Variants in ZNF841 observed in about 807,000 individuals in gnomAD.
The protein encoded by ZNF841 is zinc finger protein 841.
A neutral mutation model predicts 13.0 loss-of-function variants in ZNF841; 11 were observed. That is an observed-to-expected ratio of 0.85 (90% CI 0.53 to 1.40). ZNF841 has a LOEUF of 1.40. ZNF841 is among the 40% of genes most tolerant of loss of function. The pLI is 0.00. For synonymous variants in ZNF841, 369 were observed against 381.6 expected (o/e 0.97, Z 0.38); for missense variants, 1,068 against 1,139.5 (o/e 0.94, Z 0.90).
chr19:52,083,802 C>T (rs1185582137), intron 4 of ZNF841, among the ~76,000 whole-genome samples: 5 of 147,874 alleles, frequency 3.4e-5, no homozygotes, highest in Non-Finnish European at 5.9e-5. Flanking sequence ...TTAGTATATC[C>T]GTATCTCATA....
intron 6 of ZNF841, 52 bp from the exon 7 acceptor site, chr19:52,067,662 T>G: frequency 7.8e-7 from 1 of 1,283,092 alleles, no homozygotes; most frequent in Non-Finnish European, 1.0e-6. Flanking sequence ...TTGGTAAATA[T>G]TATTTTATAC....
At chr19:52,060,409 C>A (rs971633328), downstream of ZNF841, among the ~76,000 whole-genome samples, 1 of 152,218 alleles carries the variant, frequency 6.6e-6, no homozygotes, top group African/African-American at 2.4e-5. Flanking sequence ...CTGGCCAGGG[C>A]CATTCTCTGG....
chr19:52,084,870 A>G lies in ZNF841; in HGVS notation c.-69T>C. ...TCAGTCAATATAATTAATTCTTTAA[A>G]AGTCAAATCTGAAAGTCAAAAATAT... On this transcript the variant is annotated 5_prime_UTR_variant, in exon 4 of 7. Coordinates refer to ENST00000594440, the MANE Select transcript of ZNF841 (RefSeq NM_001136499.2). The G allele has an allele frequency of 6.6e-7, 1 of 1,523,558 alleles. No individual in the cohort carries two copies. Among genetic ancestry groups the G allele is most frequent in the Non-Finnish European group, 8.9e-7 (1 of 1,126,218 alleles). 94.4% of individuals were successfully genotyped at this position (1,523,558 alleles called of 1,614,324 possible). A position where few individuals can be genotyped will look rare whatever the true frequency, so the allele number is the denominator to read the frequency against.
rs376724302 is a variant in ZNF841, at chr19:52,066,354, C to T, written c.1528G>A (p.Glu510Lys). The change falls in exon 7 of 7, where the codon GAG (glutamate) becomes AAG (lysine). Residue 510 changes from glutamate to lysine, a missense_variant. By Grantham distance (56) the Glu-to-Lys change is moderately conservative (BLOSUM62 1). Transcript: ENST00000594440. ...LAVHQRVHTG[E>K]KPYKCNECGK... ...CATTCATTACATTTGTAAGGTTTCTCTCCAGTATGAACTCTCTGATGCACT... is the reference window on the plus strand; with the variant it reads ...CATTCATTACATTTGTAAGGTTTCTTTCCAGTATGAACTCTCTGATGCACT... 427 of 1,613,970 alleles carry T rather than the reference C, an allele frequency of 2.6e-4. No homozygotes were observed. The highest frequency in any genetic ancestry group is 3.3e-4 in the Non-Finnish European group (392 of 1,179,988).
chr19:52,067,422 C>T lies in ZNF841; in HGVS notation c.460G>A (p.Glu154Lys), dbSNP rs2087615127. Residue 154 changes from glutamate to lysine, a missense_variant, in exon 7 of 7, where the codon GAA becomes AAA. Transcript: ENST00000594440. ...QWKDGEINYK[E>K]GPMTHKNNLT... is the part of the protein sequence containing the mutation. ...TTGTTTTTATGGGTCATCGGCCCTT[C>T]TTTATAATTTATTTCACCATCTTTC... The T allele has an allele frequency of 1.3e-6, 2 of 1,548,196 alleles. No individual in the cohort carries two copies. Among genetic ancestry groups the T allele is most frequent in the Non-Finnish European group, 1.7e-6 (2 of 1,146,062 alleles).
At chr19:52,064,336 G>A (rs2087460700), downstream of ZNF841, 1 of 108,264 alleles carries the variant, frequency 9.2e-6, no homozygotes, top group Non-Finnish European at 1.8e-5. Flanking sequence ...CTGGGCGACA[G>A]AGCGAGACTC....
Position 52,065,182 on chromosome 19 carries a change from AG to A in ZNF841, c.2699del (p.Ala900ValfsTer15). On this transcript the variant is annotated frameshift_variant, in exon 7 of 7. Coordinates refer to ENST00000594440, the MANE Select transcript of ZNF841 (RefSeq NM_001136499.2). LOFTEE classifies it low-confidence loss of function (END_TRUNC). ...SGLTKHQIKH[A>X]GENLTTKLNV... ...TGAGTTTAGTTGTAAGGTTCTCTCC[AG>A]CATGTTTTATCTGATGTTTAGTGAG... 3.7e-6 allele frequency: 6 copies of A among 1,601,946 alleles called. No individual in the cohort carries two copies. The highest frequency in any genetic ancestry group is 5.1e-6 in the Non-Finnish European group (6 of 1,173,488).
Position 52,066,422 on chromosome 19 carries a change from C to T in ZNF841, c.1460G>A (p.Cys487Tyr), listed in dbSNP as rs751249693. The T allele has an allele frequency of 6.2e-7, 1 of 1,613,940 alleles. No homozygotes were observed. The highest frequency in any genetic ancestry group is 8.5e-7 in the Non-Finnish European group (1 of 1,179,988). ...ACTGAAGACCTTGCCACATTCATTA[C>T]ATTTGTAGGGTTTCTCTCCAGTATG... ...RIHTGEKPYK[C>Y]NECGKVFSQH... Residue 487 changes from cysteine to tyrosine, a missense_variant, in exon 7 of 7, where the codon TGT becomes TAT. Transcript: ENST00000594440.
the ZNF841 span, among the ~76,000 whole-genome samples, chr19:52,059,386 T>C: frequency 2.2e-4 from 26 of 118,042 alleles, no homozygotes; most frequent in African/African-American, 7.6e-4. Flanking sequence ...TATATATATA[T>C]ATATACACAC....
chr19:52,095,529 C>T (rs1307761526), intron 1 of ZNF841, 46 bp downstream of exon 1: 3 of 152,316 alleles, frequency 2.0e-5, no homozygotes, highest in Non-Finnish European at 4.4e-5. Context: ...CAAGGAACGG[C>T]CTCAGAGAGA....
intron 4 of ZNF841, among the ~76,000 whole-genome samples, chr19:52,084,463 G>A (rs2088203425): frequency 6.6e-6 from 1 of 152,156 alleles, no homozygotes; most frequent in African/African-American, 2.4e-5. Context: ...ACTGAGAGCT[G>A]ACAGTGCATT....
intron 6 of ZNF841, among the ~76,000 whole-genome samples, chr19:52,068,936 C>T (rs1462159654): frequency 2.0e-5 from 3 of 152,204 alleles, no homozygotes; most frequent in African/African-American, 7.2e-5. Flanking sequence ...CACGACACTG[C>T]ACTTCAGCCT....
chr19:52,068,873 G>A (rs372463402), intron 6 of ZNF841, among the ~76,000 whole-genome samples: 1 of 152,020 alleles, frequency 6.6e-6, no homozygotes, highest in Admixed American at 6.6e-5. Flanking sequence ...TCAGGAGGCT[G>A]AAGCACGAGA....
chr19:52,086,265 A>G lies in ZNF841; in HGVS notation c.-77-1387T>C, dbSNP rs957368233. Among the ~76,000 whole-genome samples the G allele has an allele frequency of 6.6e-5, 10 of 152,196 alleles. 1 individual carries two copies. Among genetic ancestry groups the G allele is most frequent in the Admixed American group, 4.6e-4 (7 of 15,274 alleles). ...ACTGGTGGGGCCTGGTGGGAGGTGG[A>G]TGGATCATGGGGGTGGATTTGTGAT... is the stretch of plus-strand genomic sequence containing the variant. On this transcript the variant is annotated intron_variant, in intron 3 of 6. Coordinates refer to ENST00000594440, the MANE Select transcript of ZNF841 (RefSeq NM_001136499.2).
chr19:52,066,646 C>G lies in ZNF841; in HGVS notation c.1236G>C (p.Arg412=), dbSNP rs970795240. The change falls in exon 7 of 7, where the codon CGG becomes CGC. Residue 412 remains arginine, a synonymous_variant. Coordinates refer to ENST00000594440, the MANE Select transcript of ZNF841 (RefSeq NM_001136499.2). The stretch of plus-strand genomic sequence containing the variant: ...TATGATGTGCAGTGAGGCTTGAGTT[C>G]CGTTTAAAGGTTTTGCCACATTCAT... ...KCNECGKTFK[R]NSSLTAHHII... 4.3e-6 allele frequency: 7 copies of G among 1,612,920 alleles called. No individual in the cohort carries two copies. Among genetic ancestry groups the G allele is most frequent in the Non-Finnish European group, 5.9e-6 (7 of 1,179,482 alleles).
At chr19:52,074,567 G>A (rs2087836025) in intron 6 of ZNF841, among the ~76,000 whole-genome samples, 1 of 135,136 alleles carries the variant, frequency 7.4e-6, no homozygotes, top group African/African-American at 2.7e-5. Flanking sequence ...CCCCAGGCTA[G>A]AGTGCATGGC....
chr19:52,079,050 GTACTTAGTACTTCATTTACTTATT>G (rs56898740), intron 4 of ZNF841, among the ~76,000 whole-genome samples: 70,574 of 151,228 alleles, frequency 0.47, 18,780 homozygotes, highest in African/African-American at 0.72. Context: ...CATTTACTTT[GTACTTAGTACTTCATTTACTTATT>G]TACTTAGTAC....
intron 6 of ZNF841, among the ~76,000 whole-genome samples, chr19:52,072,321 C>T (rs1269770248): frequency 6.6e-6 from 1 of 152,114 alleles, no homozygotes; most frequent in Admixed American, 6.5e-5. Context: ...AACTATATAT[C>T]AAGTTGAACC....
the ZNF841 span, among the ~76,000 whole-genome samples, chr19:52,059,388 T>C: frequency 2.0e-4 from 24 of 118,152 alleles, no homozygotes; most frequent in African/African-American, 8.1e-4. Context: ...TATATATATA[T>C]ATACACACAC....
Sources: gnomAD v4.1 joint callset for allele counts (sites outside exome capture counted in the v4.1 genomes callset) on GRCh38, gnomAD v4.1.1 for gene constraint, MANE v1.5 for transcripts, NCBI Gene and HGNC (gene_info 2026-07-23, HGNC 2026-07-21) for gene names.